The following NR3C1 variants were observed in gnomAD, a reference collection of about 807,000 sequenced individuals.
NR3C1 encodes glucocorticoid receptor.
In NR3C1, 14 loss-of-function variants were observed where a neutral mutation model predicts 74.0. The observed-to-expected ratio is 0.19, with a 90% CI of 0.12 to 0.30. NR3C1 has a LOEUF of 0.30. Ranked by LOEUF, NR3C1 falls within the 10% of genes least tolerant of loss-of-function variation. NR3C1 has a pLI of 1.00. For missense variants in NR3C1, 695 were observed against 909.8 expected, an observed-to-expected ratio of 0.76 and a Z score of 3.04; for synonymous variants, 308 against 332.5, an observed-to-expected ratio of 0.93 and a Z score of 0.80.
At chr5:143,421,029 T>G (rs886316349) in intron 1 of NR3C1, among the ~76,000 whole-genome samples, 1 of 152,192 alleles carries the variant, frequency 6.6e-6, no homozygotes, top group Admixed American at 6.5e-5. Context: ...TTTTTTTATG[T>G]GGTAATTTTA....
chr5:143,362,560 A>G (rs1425162177), intron 2 of NR3C1, among the ~76,000 whole-genome samples: 1 of 151,818 alleles, frequency 6.6e-6, no homozygotes, highest in Non-Finnish European at 1.5e-5. Flanking sequence ...ACAGGGTTTC[A>G]CCGTGTTAGC....
chr5:143,435,330 A>G (rs773288865), exon 1 of NR3C1: 12 of 985,358 alleles, frequency 1.2e-5, no homozygotes, highest in Non-Finnish European at 1.4e-5. Context: ...TGGTATCAGA[A>G]GATCTAAGTT....
chr5:143,382,811 G>A (rs1179378413), intron 2 of NR3C1, among the ~76,000 whole-genome samples: 3 of 152,240 alleles, frequency 2.0e-5, no homozygotes, highest in Admixed American at 6.5e-5. Flanking sequence ...GTACAGGGAT[G>A]AAGACTGGCA....
intron 2 of NR3C1, among the ~76,000 whole-genome samples, chr5:143,344,392 C>A (rs1828824931): frequency 6.6e-6 from 1 of 152,126 alleles, no homozygotes; most frequent in Non-Finnish European, 1.5e-5. Context: ...GGTCTAAGTA[C>A]TTTATTAATT....
At chr5:143,349,206 C>G (rs780844848) in intron 2 of NR3C1, among the ~76,000 whole-genome samples, 4 of 152,132 alleles carry the variant, frequency 2.6e-5, no homozygotes, top group Non-Finnish European at 4.4e-5. Flanking sequence ...CAGGTTTCCC[C>G]AAGGATATCA....
chr5:143,376,884 G>A (rs569525632), intron 2 of NR3C1, among the ~76,000 whole-genome samples: 7 of 152,218 alleles, frequency 4.6e-5, no homozygotes, highest in South Asian at 4.2e-4. Context: ...GATAAGGTGC[G>A]GTGGAGGACT....
intron 7 of NR3C1, among the ~76,000 whole-genome samples, chr5:143,285,317 C>T (rs1346474726): frequency 6.6e-6 from 1 of 152,082 alleles, no homozygotes; most frequent in Non-Finnish European, 1.5e-5. Context: ...ATCAGTGGTT[C>T]TCAAAAGGGA....
rs561286866 is a variant in NR3C1, at chr5:143,353,353, T to G, written c.1185-39185A>C. On this transcript the variant is annotated intron_variant, in intron 2 of 8. Coordinates refer to ENST00000394464, the MANE Select transcript of NR3C1 (RefSeq NM_000176.3). Reference sequence around the variant, plus strand: ...TAATGTTGATCCTTTGACCTCCTCCTGCGAATCACAAATTCTTAATAGCAT... The same window carrying G: ...TAATGTTGATCCTTTGACCTCCTCCGGCGAATCACAAATTCTTAATAGCAT... 2.6e-5 allele frequency among the ~76,000 whole-genome samples: 4 copies of G among 152,332 alleles called. No individual in the cohort carries two copies. The East Asian group carries it at 7.7e-4, about 29-fold the overall frequency.
chr5:143,409,992 A>ACCTTAGTTTAAGCATCCTTGAAT (rs1841239952), intron 1 of NR3C1, among the ~76,000 whole-genome samples: 1 of 152,218 alleles, frequency 6.6e-6, no homozygotes, highest in African/African-American at 2.4e-5. Flanking sequence ...TTTAAGCAAT[A>ACCTTAGTTTAAGCATCCTTGAAT]CCTGATTCAA....
intron 2 of NR3C1, among the ~76,000 whole-genome samples, chr5:143,377,579 A>C (rs1251927352): frequency 1.3e-5 from 2 of 152,256 alleles, no homozygotes; most frequent in Non-Finnish European, 2.9e-5. Context: ...TTGAGGTCAG[A>C]AAAAACACAT....
intron 1 of NR3C1, among the ~76,000 whole-genome samples, chr5:143,433,464 A>ATAATTTATTTATTTAAATTATC (rs1173177375): frequency 1.4e-5 from 2 of 146,472 alleles, no homozygotes; most frequent in Non-Finnish European, 3.0e-5. Context: ...ATATATATAT[A>ATAATTTATTTATTTAAATTATC]TATATATTTA....
chr5:143,375,268 G>A (rs113998803), intron 2 of NR3C1, among the ~76,000 whole-genome samples: 2,705 of 152,092 alleles, frequency 0.018, 100 homozygotes, highest in African/African-American at 0.062. Context: ...AAATACTTAA[G>A]ACAATTTCAA....
At chr5:143,409,182 G>A (rs1841214237) in intron 1 of NR3C1, 1 of 152,130 alleles carries the variant, frequency 6.6e-6, no homozygotes, top group Non-Finnish European at 1.5e-5. Flanking sequence ...TGTTTTCCAG[G>A]GAGACTGGAG....
At position 143,370,646 on chromosome 5, in the gene NR3C1, T is replaced by C. The variant is rs1013096682; in HGVS notation, c.1184+29010A>G. 5.9e-5 allele frequency among the ~76,000 whole-genome samples: 9 copies of C among 152,366 alleles called. No homozygotes were observed. The East Asian group carries it at 1.7e-3, about 29-fold the overall frequency. On this transcript the variant is annotated intron_variant, in intron 2 of 8. Transcript: ENST00000394464. ...CCCAGACTTTAGCAAGGTCGGCATT[T>C]AGCTGAAGCTGTATTGGTCTGGCTT...
chr5:143,333,130 T>C, intron 2 of NR3C1: 2 of 1,589,448 alleles, frequency 1.3e-6, no homozygotes, highest in Middle Eastern at 2.3e-4. Flanking sequence ...CCTTTCCACC[T>C]CTCAGTGGCC....
intron 2 of NR3C1, among the ~76,000 whole-genome samples, chr5:143,331,719 C>T (rs927576563): frequency 6.6e-6 from 1 of 152,076 alleles, no homozygotes; most frequent in African/African-American, 2.4e-5. Context: ...TCAGTTATAA[C>T]TAGGAACTAA....
In NR3C1 at chr5:143,279,491, T is replaced by C; in HGVS notation, c.*2398A>G. 7.2e-7 allele frequency: 1 copy of C among 1,394,402 alleles called. No individual in the cohort carries two copies. The highest frequency in any genetic ancestry group is 2.9e-5 in the East Asian group (1 of 35,060). 86.4% of individuals were successfully genotyped at this position (1,394,402 alleles called of 1,614,324 possible). A position where few individuals can be genotyped will look rare whatever the true frequency, so the allele number is the denominator to read the frequency against. On this transcript the variant is annotated 3_prime_UTR_variant, in exon 9 of 9. Coordinates refer to ENST00000394464, the MANE Select transcript of NR3C1 (RefSeq NM_000176.3). Reference sequence around the variant, plus strand: ...TCATTGATAAGAATATTCAAGCAGTTTTCTTAGGCACCAAAAATTTATCCA... The same window carrying C: ...TCATTGATAAGAATATTCAAGCAGTCTTCTTAGGCACCAAAAATTTATCCA...
rs1813063055 is a variant in NR3C1, at chr5:143,281,337, G to A, written c.*552C>T. 1.9e-5 allele frequency: 3 copies of A among 154,236 alleles called. No homozygotes were observed. Among genetic ancestry groups the A allele is most frequent in the Admixed American group, 6.4e-5 (1 of 15,622 alleles). 9.6% of individuals were successfully genotyped at this position (154,236 alleles called of 1,614,324 possible). A position where few individuals can be genotyped will look rare whatever the true frequency, so the allele number is the denominator to read the frequency against. ...AAATTATGTAAGAAAAAATGAGCAAGCGTAGTTCACTAAATATAAAGGAAA... is the reference window on the plus strand; with the variant it reads ...AAATTATGTAAGAAAAAATGAGCAAACGTAGTTCACTAAATATAAAGGAAA... On this transcript the variant is annotated 3_prime_UTR_variant, in exon 9 of 9. Transcript: ENST00000394464.
rs575159186 is a variant in NR3C1, at chr5:143,380,206, T to C, written c.1184+19450A>G. ...GATATTAAGACAAATATTTAACAAATCCTTAATTATTTGACTTAAATTTGC... is the reference window on the plus strand; with the variant it reads ...GATATTAAGACAAATATTTAACAAACCCTTAATTATTTGACTTAAATTTGC... On this transcript the variant is annotated intron_variant, in intron 2 of 8. Transcript: ENST00000394464. 2.0e-4 allele frequency among the ~76,000 whole-genome samples: 31 copies of C among 152,266 alleles called. No homozygotes were observed. The South Asian group carries it at 6.2e-3, about 31-fold the overall frequency.
Sources: allele counts gnomAD v4.1 joint callset (sites outside exome capture counted in the v4.1 genomes callset), GRCh38; gene constraint gnomAD v4.1.1; transcripts MANE v1.5; gene names NCBI Gene and HGNC (gene_info 2026-07-23, HGNC 2026-07-21).